Variants in TUBB4B observed in about 807,000 individuals in gnomAD.
TUBB4B encodes tubulin beta-4B chain.
A neutral mutation model predicts 34.3 loss-of-function variants in TUBB4B; 7 were observed. That is an observed-to-expected ratio of 0.20 (90% CI 0.12 to 0.38). The LOEUF (loss-of-function observed/expected upper bound fraction) is 0.38. TUBB4B is among the 10% of genes least tolerant of loss of function. TUBB4B has a pLI of 1.00. For missense variants in TUBB4B, 178 were observed against 610.9 expected, an observed-to-expected ratio of 0.29 and a Z score of 7.47; for synonymous variants, 390 against 250.2, an observed-to-expected ratio of 1.56 and a Z score of -5.27.
intron 1 of TUBB4B, 97 bp from the exon 2 acceptor site, chr9:137,241,624 C>T (rs1284981488): frequency 9.7e-6 from 7 of 720,552 alleles, no homozygotes; most frequent in South Asian, 6.1e-5. Context: ...CGGGGAGGGC[C>T]GGGCTGCCGC....
Position 137,242,812 on chromosome 9 carries a change from G to A in TUBB4B, c.594G>A (p.Glu198=), listed in dbSNP as rs1588859106. 1.9e-6 allele frequency: 3 copies of A among 1,613,752 alleles called. No individual in the cohort carries two copies. Among genetic ancestry groups the A allele is most frequent in the East Asian group, 2.2e-5 (1 of 44,900 alleles). The change falls in exon 4 of 4, where the codon GAG becomes GAA. Residue 198 remains glutamate, a synonymous_variant. Coordinates refer to ENST00000340384, the MANE Select transcript of TUBB4B (RefSeq NM_006088.6). ...ACCAGCTCGTAGAAAACACAGACGA[G>A]ACCTACTGCATTGATAACGAAGCTC... ...SVHQLVENTD[E]TYCIDNEALY...
Position 137,242,761 on chromosome 9 carries a change from G to A in TUBB4B, c.543G>A (p.Glu181=), listed in dbSNP as rs769412773. ...PSPKVSDTVV[E]PYNATLSVHQ... ...CCAAAGTGTCAGACACAGTGGTGGAGCCCTACAACGCCACCCTCTCAGTCC... is the reference window on the plus strand; with the variant it reads ...CCAAAGTGTCAGACACAGTGGTGGAACCCTACAACGCCACCCTCTCAGTCC... Residue 181 remains glutamate, a synonymous_variant, in exon 4 of 4, where the codon GAG becomes GAA. Coordinates refer to ENST00000340384, the MANE Select transcript of TUBB4B (RefSeq NM_006088.6). 9 of 1,613,720 alleles carry A rather than the reference G, an allele frequency of 5.6e-6. No homozygotes were observed. Among genetic ancestry groups the A allele is most frequent in the Middle Eastern group, 3.3e-4 (2 of 6,084 alleles).
Position 137,241,358 on chromosome 9 carries a change from A to T in TUBB4B, c.-3A>T, listed in dbSNP as rs772677640. 1 of 1,597,278 alleles carries T rather than the reference A, an allele frequency of 6.3e-7. No homozygotes were observed. Among genetic ancestry groups the T allele is most frequent in the Middle Eastern group, 1.7e-4 (1 of 6,010 alleles). ...CTGCTTCCCCGCCGCCGCCGCCGCC[A>T]TCATGAGGGAAATCGTGCACTTGCA... On this transcript the variant is annotated 5_prime_UTR_variant, in exon 1 of 4. Transcript: ENST00000340384.
chr9:137,243,161 G>T lies in TUBB4B; in HGVS notation c.943G>T (p.Ala315Ser), dbSNP rs1423560558. 1 of 1,613,076 alleles carries T rather than the reference G, an allele frequency of 6.2e-7. No homozygotes were observed. The highest frequency in any genetic ancestry group is 8.5e-7 in the Non-Finnish European group (1 of 1,179,990). The change falls in exon 4 of 4, where the codon GCC (alanine) becomes TCC (serine). Residue 315 changes from alanine (A) to serine (S), a missense_variant. Physicochemically the swap from Ala to Ser is moderately conservative, Grantham distance 99. Coordinates refer to ENST00000340384, the MANE Select transcript of TUBB4B (RefSeq NM_006088.6). The part of the protein sequence containing the change: ...PRHGRYLTVA[A>S]VFRGRMSMKE... ...CCATGGCCGCTACCTGACGGTTGCCGCCGTGTTCAGGGGCCGCATGTCCAT... is the reference window on the plus strand; with the variant it reads ...CCATGGCCGCTACCTGACGGTTGCCTCCGTGTTCAGGGGCCGCATGTCCAT...
At chr9:137,242,258 C>G (rs181290263) in intron 3 of TUBB4B, 2 of 665,672 alleles carry the variant, frequency 3.0e-6, no homozygotes, top group African/African-American at 3.6e-5. Context: ...GTTCCTCTGT[C>G]CTTGGGAATT....
chr9:137,241,573 C>A (rs1836742902), intron 1 of TUBB4B, 148 bp from the exon 2 acceptor site: 20 of 821,002 alleles, frequency 2.4e-5, no homozygotes, highest in Non-Finnish European at 3.0e-5. Context: ...ACCGAAGCCC[C>A]CAGGAACCCG....
In TUBB4B at chr9:137,243,600, T is replaced by TAA; in HGVS notation, c.*44_*45insAA. The TAA allele has an allele frequency of 6.2e-7, 1 of 1,613,034 alleles. No individual in the cohort carries two copies. The highest frequency in any genetic ancestry group is 8.5e-7 in the Non-Finnish European group (1 of 1,179,238). ...AAAGCAGGGAAGCAGTGTGAACTCTTTATTCACTCCCAGCCTGTCCTGTGG... is the reference window on the plus strand; with the variant it reads ...AAAGCAGGGAAGCAGTGTGAACTCTTAATATTCACTCCCAGCCTGTCCTGTGG... On this transcript the variant is annotated 3_prime_UTR_variant, in exon 4 of 4. Transcript: ENST00000340384.
chr9:137,241,924 G>T lies in TUBB4B; in HGVS notation c.180G>T (p.Val60=), dbSNP rs2131433421. 1 of 1,611,502 alleles carries T rather than the reference G, an allele frequency of 6.2e-7. No individual in the cohort carries two copies. The highest frequency in any genetic ancestry group is 8.5e-7 in the Non-Finnish European group (1 of 1,179,482). The change falls in exon 3 of 4, where the codon GTG becomes GTT. Residue 60 remains valine, a synonymous_variant. Coordinates refer to ENST00000340384, the MANE Select transcript of TUBB4B (RefSeq NM_006088.6). ...YYNEATGGKY[V]PRAVLVDLEP... Reference sequence around the variant, plus strand: ...CCGTCCCCGCAGGCGGCAAGTACGTGCCCCGCGCCGTGCTCGTGGATCTGG... The same window carrying T: ...CCGTCCCCGCAGGCGGCAAGTACGTTCCCCGCGCCGTGCTCGTGGATCTGG...
At chr9:137,241,647 C>G (rs1394273722) in intron 1 of TUBB4B, 74 bp from the exon 2 acceptor site, 170 of 1,097,000 alleles carry the variant, frequency 1.5e-4, no homozygotes, top group Non-Finnish European at 1.9e-4. Context: ...CCGTCCGGGG[C>G]GGGGCTGCCT....
Position 137,241,314 on chromosome 9 carries a change from G to C in TUBB4B, c.-47G>C, listed in dbSNP as rs748808857. 4.4e-6 allele frequency: 7 copies of C among 1,581,792 alleles called. No individual in the cohort carries two copies. Among genetic ancestry groups the C allele is most frequent in the South Asian group, 3.4e-5 (3 of 89,348 alleles). ...CACTCTGCGCGCCCGCTCTTCTGCT[G>C]CTGTTTGTCTACTTCCTCCTGCTTC... On this transcript the variant is annotated 5_prime_UTR_variant, in exon 1 of 4. Transcript: ENST00000340384.
At chr9:137,242,465 C>G in intron 3 of TUBB4B, 31 bp from the exon 4 acceptor site, 1 of 1,600,150 alleles carries the variant, frequency 6.2e-7, no homozygotes, top group Non-Finnish European at 8.5e-7. Context: ...GTCTACCTGG[C>G]TGACAAATGA....
At chr9:137,241,557 C>A in intron 1 of TUBB4B, 140 bp downstream of exon 1, 1 of 860,212 alleles carries the variant, frequency 1.2e-6, no homozygotes, top group Non-Finnish European at 1.4e-6. Context: ...TTGGCCGAGC[C>A]GGGCGACCGA....
Position 137,242,117 on chromosome 9 carries a change from CCCT to C in TUBB4B, c.277+101_277+103del, listed in dbSNP as rs1453121306. 10 of 1,219,996 alleles carry C rather than the reference CCCT, an allele frequency of 8.2e-6. No homozygotes were observed. In the East Asian group the frequency reaches 1.0e-4, roughly 12 times the overall value. 75.6% of individuals were successfully genotyped at this position (1,219,996 alleles called of 1,614,324 possible). On this transcript the variant is annotated intron_variant, in intron 3 of 3. Transcript: ENST00000340384. ...ACTGCGCAGCCGGGGCCCCTGGACG[CCCT>C]CCTCTTCTCTGAGCCACTCAATCCC...
chr9:137,243,403 G>C lies in TUBB4B; in HGVS notation c.1185G>C (p.Leu395=), dbSNP rs376070475. Residue 395 remains leucine, a synonymous_variant, in exon 4 of 4, where the codon CTG becomes CTC. Coordinates refer to ENST00000340384, the MANE Select transcript of TUBB4B (RefSeq NM_006088.6). ...CCATGTTCCGGCGCAAGGCCTTCCTGCACTGGTACACGGGCGAGGGCATGG... is the reference window on the plus strand; with the variant it reads ...CCATGTTCCGGCGCAAGGCCTTCCTCCACTGGTACACGGGCGAGGGCATGG... ...FTAMFRRKAF[L]HWYTGEGMDE... is the part of the protein sequence containing the mutation. 3.6e-5 allele frequency: 58 copies of C among 1,613,474 alleles called. No individual in the cohort carries two copies. The highest frequency in any genetic ancestry group is 4.9e-5 in the Non-Finnish European group (58 of 1,180,040).
At chr9:137,242,349 T>A (rs1588858530) in intron 3 of TUBB4B, 147 bp from the exon 4 acceptor site, 7 of 974,022 alleles carry the variant, frequency 7.2e-6, no homozygotes, top group Admixed American at 2.8e-5. Context: ...CAGGCTGCCG[T>A]CTTTTGGCTT....
At chr9:137,242,336 G>C (rs967854184) in intron 3 of TUBB4B, 160 bp from the exon 4 acceptor site, 2 of 880,970 alleles carry the variant, frequency 2.3e-6, no homozygotes, top group Non-Finnish European at 3.4e-6. Context: ...ATTCGTAGCA[G>C]GGCAGGCTGC....
chr9:137,243,424 C>A lies in TUBB4B; in HGVS notation c.1206C>A (p.Gly402=), dbSNP rs1588859620. Reference sequence around the variant, plus strand: ...TCCTGCACTGGTACACGGGCGAGGGCATGGACGAGATGGAGTTCACCGAGG... The same window carrying A: ...TCCTGCACTGGTACACGGGCGAGGGAATGGACGAGATGGAGTTCACCGAGG... ...KAFLHWYTGE[G]MDEMEFTEAE... Residue 402 remains glycine, a synonymous_variant, in exon 4 of 4, where the codon GGC becomes GGA. Transcript: ENST00000340384. 2 of 1,613,624 alleles carry A rather than the reference C, an allele frequency of 1.2e-6. No individual in the cohort carries two copies. Among genetic ancestry groups the A allele is most frequent in the Non-Finnish European group, 8.5e-7 (1 of 1,180,040 alleles).
At chr9:137,241,649 G>T in intron 1 of TUBB4B, 72 bp from the exon 2 acceptor site, 1 of 1,191,982 alleles carries the variant, frequency 8.4e-7, no homozygotes, top group Non-Finnish European at 1.1e-6. Flanking sequence ...GTCCGGGGCG[G>T]GGCTGCCTCC....
At position 137,243,601 on chromosome 9, in the gene TUBB4B, T is replaced by C. The variant is rs768516637; in HGVS notation, c.*45T>C. 3.6e-5 allele frequency: 58 copies of C among 1,613,154 alleles called. No individual in the cohort carries two copies. The highest frequency in any genetic ancestry group is 8.3e-5 in the Admixed American group (5 of 59,994). Reference sequence around the variant, plus strand: ...AAGCAGGGAAGCAGTGTGAACTCTTTATTCACTCCCAGCCTGTCCTGTGGC... The same window carrying C: ...AAGCAGGGAAGCAGTGTGAACTCTTCATTCACTCCCAGCCTGTCCTGTGGC... On this transcript the variant is annotated 3_prime_UTR_variant, in exon 4 of 4. Coordinates refer to ENST00000340384, the MANE Select transcript of TUBB4B (RefSeq NM_006088.6).
Sources: allele counts gnomAD v4.1 joint callset, GRCh38; gene constraint gnomAD v4.1.1; transcripts MANE v1.5; gene names NCBI Gene and HGNC (gene_info 2026-07-23, HGNC 2026-07-21).